PAQR9: variants seen among roughly 807,000 people sequenced by gnomAD.
PAQR9 encodes membrane progestin receptor epsilon.
PAQR9 carries 12 observed loss-of-function variants against 24.0 expected under a neutral mutation model. That is an observed-to-expected ratio of 0.50 (90% CI 0.32 to 0.81). The LOEUF is 0.81. Among genes scored for constraint, PAQR9 ranks in the 30% least tolerant of loss-of-function variants. The pLI, the probability that PAQR9 is intolerant of heterozygous loss-of-function variation, is 0.03. For synonymous variants in PAQR9, 266 were observed against 237.6 expected (o/e 1.12, Z -1.10); for missense variants, 418 against 520.8 (o/e 0.80, Z 1.92).
Position 142,955,442 on chromosome 3 carries a change from TAAAAAAAA to T in PAQR9, c.*6753_*6760del, listed in dbSNP as rs150071656. On this transcript the variant is annotated 3_prime_UTR_variant, in exon 1 of 1. Coordinates refer to ENST00000340634, the MANE Select transcript of PAQR9 (RefSeq NM_198504.4). ...GAGCGACCACATGGTCTATACAAATTAAAAAAAAAAAAAAAAAAAAAAAAAAAAAAAAA... is the reference window on the plus strand; with the variant it reads ...GAGCGACCACATGGTCTATACAAATTAAAAAAAAAAAAAAAAAAAAAAAAA... Among the ~76,000 whole-genome samples the T allele has an allele frequency of 1.8e-3, 38 of 21,600 alleles. No homozygotes were observed. The highest frequency in any genetic ancestry group is 4.0e-3 in the African/African-American group (34 of 8,582). 14.2% of individuals were successfully genotyped at this position (21,600 alleles called of 152,430 possible). A position where few individuals can be genotyped will look rare whatever the true frequency, so the allele number is the denominator to read the frequency against.
chr3:142,957,022 A>G lies in PAQR9; in HGVS notation c.*5181T>C, dbSNP rs1257043622. 1.3e-5 allele frequency among the ~76,000 whole-genome samples: 2 copies of G among 152,214 alleles called. No homozygotes were observed. Among genetic ancestry groups the G allele is most frequent in the Non-Finnish European group, 2.9e-5 (2 of 68,032 alleles). Reference sequence around the variant, plus strand: ...TGTCTAGGCTTGTTCGCTTTTTGTCAGGTGATATATGTCAGAGAATATTGA... The same window carrying G: ...TGTCTAGGCTTGTTCGCTTTTTGTCGGGTGATATATGTCAGAGAATATTGA... On this transcript the variant is annotated 3_prime_UTR_variant, in exon 1 of 1. Transcript: ENST00000340634.
In PAQR9 at chr3:142,956,785, C is replaced by A. The variant is rs1410207806; in HGVS notation, c.*5418G>T. Among the ~76,000 whole-genome samples, 6 of 152,270 alleles carry A rather than the reference C, an allele frequency of 3.9e-5. No homozygotes were observed. In the East Asian group the frequency reaches 1.2e-3, roughly 29 times the overall value. On this transcript the variant is annotated 3_prime_UTR_variant, in exon 1 of 1. Transcript: ENST00000340634. ...GTTAGAAATCTGCAAACCAGAAATGCAATACAGTTATCCTTTTTTAAATGA... is the reference window on the plus strand; with the variant it reads ...GTTAGAAATCTGCAAACCAGAAATGAAATACAGTTATCCTTTTTTAAATGA...
Position 142,961,269 on chromosome 3 carries a change from C to A in PAQR9, c.*934G>T, listed in dbSNP as rs1934884059. On this transcript the variant is annotated 3_prime_UTR_variant, in exon 1 of 1. Transcript: ENST00000340634. ...TCAAAAGGCACATTTATTCCAGTGG[C>A]AATTTAAATAAGTAGAGAAGGAAAA... The A allele has an allele frequency of 6.6e-6, 1 of 151,970 alleles. No individual in the cohort carries two copies. Among genetic ancestry groups the A allele is most frequent in the African/African-American group, 2.4e-5 (1 of 41,162 alleles). 9.4% of individuals were successfully genotyped at this position (151,970 alleles called of 1,614,324 possible).
Position 142,963,195 on chromosome 3 carries a change from C to G in PAQR9, c.142G>C (p.Asp48His). The change falls in exon 1 of 1, where the codon GAC (aspartate) becomes CAC (histidine). Residue 48 changes from aspartate (D) to histidine (H), a missense_variant. Asp to His is a moderately conservative substitution (Grantham distance 81). Coordinates refer to ENST00000340634, the MANE Select transcript of PAQR9 (RefSeq NM_198504.4). ...PASAKPLLRW[D>H]EVPDDFVECF... ...TCCACGAAGTCGTCGGGCACCTCGTCCCAGCGCAGCAGCGGCTTGGCAGAC... is the reference window on the plus strand; with the variant it reads ...TCCACGAAGTCGTCGGGCACCTCGTGCCAGCGCAGCAGCGGCTTGGCAGAC... 1 of 1,580,146 alleles carries G rather than the reference C, an allele frequency of 6.3e-7. No individual in the cohort carries two copies. The highest frequency in any genetic ancestry group is 8.6e-7 in the Non-Finnish European group (1 of 1,163,432).
At chr3:142,951,529 G>A, downstream of PAQR9, 1 of 357,232 alleles carries the variant, frequency 2.8e-6, no homozygotes, top group South Asian at 2.1e-5. Flanking sequence ...TCAGTTTGGG[G>A]TCAATTGCAG....
chr3:142,959,271 T>C lies in PAQR9; in HGVS notation c.*2932A>G, dbSNP rs1004784798. 2.0e-5 allele frequency among the ~76,000 whole-genome samples: 3 copies of C among 152,220 alleles called. No homozygotes were observed. The highest frequency in any genetic ancestry group is 6.5e-5 in the Admixed American group (1 of 15,282). The stretch of plus-strand genomic sequence containing the variant: ...CTGATTGCCACATTACCTTGAAATG[T>C]GTAATAAACCTGGATAGTTCCGTGC... On this transcript the variant is annotated 3_prime_UTR_variant, in exon 1 of 1. Coordinates refer to ENST00000340634, the MANE Select transcript of PAQR9 (RefSeq NM_198504.4).
chr3:142,951,782 C>A, downstream of PAQR9: 1 of 456,578 alleles, frequency 2.2e-6, no homozygotes, highest in Non-Finnish European at 4.4e-6. Context: ...AAATTGATGT[C>A]AGGCATGAAA....
At chr3:142,951,558 G>T (rs1357453782), downstream of PAQR9, 1 of 374,200 alleles carries the variant, frequency 2.7e-6, no homozygotes, top group Non-Finnish European at 5.2e-6. Context: ...ATCTACTGAA[G>T]CTAGTTGGTG....
At chr3:142,949,309 TAGAC>T (rs1934684654) in exon 3 of PAQR9, 1 of 152,302 alleles carries the variant, frequency 6.6e-6, no homozygotes, top group South Asian at 2.1e-4. Context: ...TCAAAACAGA[TAGAC>T]AGTGAGGTAG....
At chr3:142,963,933 C>T (rs1457466535), upstream of PAQR9, 1 of 971,014 alleles carries the variant, frequency 1.0e-6, no homozygotes, top group African/African-American at 1.8e-5. Flanking sequence ...GGCGACGCGG[C>T]GGCGCGCGCG....
rs1357082614 is a variant in PAQR9, at chr3:142,963,227, G to C, written c.110C>G (p.Pro37Arg). The C allele has an allele frequency of 1.3e-6, 2 of 1,553,854 alleles. No homozygotes were observed. Among genetic ancestry groups the C allele is most frequent in the Non-Finnish European group, 8.7e-7 (1 of 1,149,762 alleles). ...CAGCAGCGGCTTGGCAGACGCTGGG[G>C]GGTCCCGGGAGGCGGCAGAGTGGGA... is the stretch of plus-strand genomic sequence containing the variant. ...RNSHSAASRD[P>R]PASAKPLLRW... Residue 37 changes from proline to arginine, a missense_variant, in exon 1 of 1, where the codon CCC becomes CGC. By Grantham distance (103) the Pro-to-Arg change is moderately radical (BLOSUM62 -2). Around this residue, in one of 3 missense-constraint regions of PAQR9, gnomAD observed 180 missense variants for 190.3 expected, o/e 0.95. Transcript: ENST00000340634.
chr3:142,949,550 AACC>A (rs1934687565), exon 3 of PAQR9: 1 of 152,234 alleles, frequency 6.6e-6, no homozygotes, highest in Admixed American at 6.5e-5. Context: ...CAGGATGTGA[AACC>A]TCTTATTAAT....
chr3:142,958,765 C>T lies in PAQR9; in HGVS notation c.*3438G>A, dbSNP rs1934834640. On this transcript the variant is annotated 3_prime_UTR_variant, in exon 1 of 1. Coordinates refer to ENST00000340634, the MANE Select transcript of PAQR9 (RefSeq NM_198504.4). ...AGCTCTGTAGCCCCATACTTTCTCC[C>T]TGGGCTATTTATAGAAAGTGTATGG... Among the ~76,000 whole-genome samples, 1 of 152,200 alleles carries T rather than the reference C, an allele frequency of 6.6e-6. No individual in the cohort carries two copies. Among genetic ancestry groups the T allele is most frequent in the African/African-American group, 2.4e-5 (1 of 41,452 alleles).
rs1245153675 is a variant in PAQR9 at position 142,956,475 on chromosome 3, A to C, written c.*5728T>G. On this transcript the variant is annotated 3_prime_UTR_variant, in exon 1 of 1. Coordinates refer to ENST00000340634, the MANE Select transcript of PAQR9 (RefSeq NM_198504.4). ...GAATAGCTTCCAGAGATTGATTGAG[A>C]ACAAAAGCATTAAAGCAAGTGCATT... Among the ~76,000 whole-genome samples the C allele has an allele frequency of 6.6e-6, 1 of 152,266 alleles. No homozygotes were observed. Among genetic ancestry groups the C allele is most frequent in the Non-Finnish European group, 1.5e-5 (1 of 68,042 alleles).
At chr3:142,950,479 G>A (rs1052771364), downstream of PAQR9, 37 of 310,010 alleles carry the variant, frequency 1.2e-4, no homozygotes, top group East Asian at 6.0e-4. Context: ...TTGTTAAGAT[G>A]GAGTGACAAC....
downstream of PAQR9, among the ~76,000 whole-genome samples, chr3:142,954,051 AC>A (rs971314775): frequency 1.4e-4 from 22 of 152,076 alleles, no homozygotes; most frequent in African/African-American, 5.3e-4. Flanking sequence ...CCTCCTACAA[AC>A]CTTTTCTTCC....
At chr3:142,963,833 C>T (rs1276134782), upstream of PAQR9, 1 of 985,280 alleles carries the variant, frequency 1.0e-6, no homozygotes, top group Non-Finnish European at 1.2e-6. Context: ...AGAGTTGTCC[C>T]CTGTCTCGAG....
downstream of PAQR9, among the ~76,000 whole-genome samples, chr3:142,953,111 G>A (rs1934740934): frequency 6.6e-6 from 1 of 152,180 alleles, no homozygotes; most frequent in Non-Finnish European, 1.5e-5. Flanking sequence ...GGCCACAGGG[G>A]GTGATGGCTG....
chr3:142,951,404 T>C (rs1934708421), downstream of PAQR9, among the ~76,000 whole-genome samples: 1 of 152,242 alleles, frequency 6.6e-6, no homozygotes, highest in African/African-American at 2.4e-5. Flanking sequence ...CTGCTTTGTT[T>C]TGCCAAGGAA....
Sources: gnomAD v4.1 joint callset for allele counts (sites outside exome capture counted in the v4.1 genomes callset) on GRCh38, gnomAD v4.1.1 for gene constraint, gnomAD v4.1.1 regional missense constraint, MANE v1.5 for transcripts, NCBI Gene and HGNC (gene_info 2026-07-23, HGNC 2026-07-21) for gene names.